GAR1: variants seen among roughly 807,000 people sequenced by gnomAD.
GAR1 encodes the protein H/ACA ribonucleoprotein complex subunit 1.
Under a neutral mutation model 29.3 loss-of-function variants are expected in GAR1, and 11 were observed. That is an observed-to-expected ratio of 0.38 (90% CI 0.24 to 0.62). The LOEUF (loss-of-function observed/expected upper bound fraction) is 0.62. GAR1 is among the 20% of genes least tolerant of loss of function. The pLI is 0.62. For synonymous variants in GAR1, 87 were observed against 93.3 expected (o/e 0.93, Z 0.39); for missense variants, 237 against 268.4 (o/e 0.88, Z 0.82).
rs1378347763 is a variant in GAR1 at position 109,816,267 on chromosome 4, G to A, written c.103G>A (p.Gly35Ser). 1 of 1,609,908 alleles carries A rather than the reference G, an allele frequency of 6.2e-7. No individual in the cohort carries two copies. Among genetic ancestry groups the A allele is most frequent in the Admixed American group, 1.7e-5 (1 of 59,696 alleles). ...SSNHFRGGGGGGGGGNFRGGG... is the reference protein window; with the variant it reads ...SSNHFRGGGGSGGGGNFRGGG... ...CAACCACTTCCGAGGTGGAGGCGGCGGTGGAGGCGGCGGCAATTTCAGAGG... is the reference window on the plus strand; with the variant it reads ...CAACCACTTCCGAGGTGGAGGCGGCAGTGGAGGCGGCGGCAATTTCAGAGG... The change falls in exon 2 of 7, where the codon GGT (glycine) becomes AGT (serine). Residue 35 changes from glycine to serine, a missense_variant. Physicochemically the swap from Gly to Ser is moderately conservative, Grantham distance 56. Coordinates refer to ENST00000226796, the MANE Select transcript of GAR1 (RefSeq NM_018983.4).
At chr4:109,817,797 C>T in intron 2 of GAR1, 139 bp from the exon 3 acceptor site, 1 of 642,660 alleles carries the variant, frequency 1.6e-6, no homozygotes, top group Non-Finnish European at 2.7e-6. Flanking sequence ...CCCAGGAAGT[C>T]CTAAGACTGT....
At chr4:109,822,553 A>G in intron 5 of GAR1, 65 bp downstream of exon 5, 2 of 1,525,980 alleles carry the variant, frequency 1.3e-6, no homozygotes, top group Non-Finnish European at 8.7e-7. Flanking sequence ...TTCATACAAT[A>G]CAATTTAGCT....
upstream of GAR1, chr4:109,815,510 C>T (rs1733321172): frequency 6.5e-6 from 1 of 152,858 alleles, no homozygotes; most frequent in South Asian, 2.1e-4. Flanking sequence ...GCAAAGGACG[C>T]CGCTGTTATA....
In GAR1 at chr4:109,824,549, A is replaced by C. The variant is rs1461056991; in HGVS notation, c.*118A>C. 1 of 791,130 alleles carries C rather than the reference A, an allele frequency of 1.3e-6. No individual in the cohort carries two copies. The highest frequency in any genetic ancestry group is 1.7e-5 in the African/African-American group (1 of 58,108). The allele number at this position is 791,130 out of a possible 1,614,324, so 49.0% of individuals were successfully genotyped here. A position where few individuals can be genotyped will look rare whatever the true frequency, so the allele number is the denominator to read the frequency against. On this transcript the variant is annotated 3_prime_UTR_variant, in exon 7 of 7. Coordinates refer to ENST00000226796, the MANE Select transcript of GAR1 (RefSeq NM_018983.4). The stretch of plus-strand genomic sequence containing the variant: ...TCTTGAAGATCTTGGTCATTTTATG[A>C]CAATGGATCTAAAATGTCAGCATCA...
chr4:109,818,901 C>T, intron 3 of GAR1, 100 bp from the exon 4 acceptor site: 4 of 667,914 alleles, frequency 6.0e-6, no homozygotes, highest in Admixed American at 2.4e-5. Flanking sequence ...TATATATATC[C>T]ATACATTCTA....
rs983938987 is a variant in GAR1 at position 109,819,213 on chromosome 4, T to A, written c.429+153T>A. On this transcript the variant is annotated intron_variant, in intron 4 of 6. Transcript: ENST00000226796. ...TCCATGCTATAAATATTGAACACAC[T>A]AATCTTTAAAAGTGATTTATTTGAT... 5 of 673,642 alleles carry A rather than the reference T, an allele frequency of 7.4e-6. No homozygotes were observed. In the Admixed American group the frequency reaches 1.3e-4, roughly 18 times the overall value. The allele number at this position is 673,642 out of a possible 1,614,324, so 41.7% of individuals were successfully genotyped here.
intron 4 of GAR1, among the ~76,000 whole-genome samples, chr4:109,821,072 T>C (rs1301527988): frequency 1.3e-5 from 2 of 152,218 alleles, no homozygotes; most frequent in Non-Finnish European, 2.9e-5. Flanking sequence ...TCTCCCGGTT[T>C]CCATACCCCC....
chr4:109,822,358 C>T lies in GAR1; in HGVS notation c.441C>T (p.Asp147=). ...SFKKLQKFYI[D]PYKLLPLQRF... ...TATTATGTTTCCAGTTTTATATAGACCCATATAAGCTGCTGCCACTGCAGA... is the reference window on the plus strand; with the variant it reads ...TATTATGTTTCCAGTTTTATATAGATCCATATAAGCTGCTGCCACTGCAGA... The change falls in exon 5 of 7, where the codon GAC becomes GAT. Residue 147 remains aspartate (D), a synonymous_variant. Transcript: ENST00000226796. The T allele has an allele frequency of 6.4e-7, 1 of 1,569,334 alleles. No individual in the cohort carries two copies. The highest frequency in any genetic ancestry group is 8.7e-7 in the Non-Finnish European group (1 of 1,151,654).
chr4:109,823,616 A>C (rs1415809281), intron 5 of GAR1, among the ~76,000 whole-genome samples: 1 of 152,188 alleles, frequency 6.6e-6, no homozygotes, highest in Non-Finnish European at 1.5e-5. Flanking sequence ...AACTATCCTT[A>C]GTTGAATCAA....
chr4:109,819,418 G>A (rs1733452238), intron 4 of GAR1: 2 of 251,398 alleles, frequency 8.0e-6, no homozygotes, highest in Admixed American at 1.1e-4. Flanking sequence ...TAGGTACTAA[G>A]TGATTTCACA....
Position 109,819,274 on chromosome 4 carries a change from C to T in GAR1, c.429+214C>T, listed in dbSNP as rs1055236351. On this transcript the variant is annotated intron_variant, in intron 4 of 6. Coordinates refer to ENST00000226796, the MANE Select transcript of GAR1 (RefSeq NM_018983.4). Reference sequence around the variant, plus strand: ...GAAAGTAAAAATTACAACTTTTGCTCATATTACCAAAATCTGTAAACTGCT... The same window carrying T: ...GAAAGTAAAAATTACAACTTTTGCTTATATTACCAAAATCTGTAAACTGCT... 1.1e-5 allele frequency: 6 copies of T among 554,808 alleles called. No individual in the cohort carries two copies. The African/African-American group carries it at 1.2e-4, about 11-fold the overall frequency. The allele number at this position is 554,808 out of a possible 1,614,324, so 34.4% of individuals were successfully genotyped here. A position where few individuals can be genotyped will look rare whatever the true frequency, so the allele number is the denominator to read the frequency against.
At chr4:109,818,954 T>C (rs929784259) in intron 3 of GAR1, 47 bp from the exon 4 acceptor site, 2 of 784,170 alleles carry the variant, frequency 2.6e-6, no homozygotes, top group African/African-American at 1.7e-5. Context: ...ACATTTGATA[T>C]CATCTTTCAT....
chr4:109,819,405 C>A, intron 4 of GAR1: 1 of 295,342 alleles, frequency 3.4e-6, no homozygotes. Context: ...ATTTGAGAGG[C>A]GGTAGGTACT....
At chr4:109,815,560 C>G (rs1398932462), upstream of GAR1, 2 of 154,264 alleles carry the variant, frequency 1.3e-5, no homozygotes, top group African/African-American at 4.8e-5. Flanking sequence ...GTTGGCCTCT[C>G]TGTTGTAAAT....
chr4:109,816,479 A>T, intron 2 of GAR1, 101 bp downstream of exon 2: 1 of 1,115,322 alleles, frequency 9.0e-7, no homozygotes, highest in Admixed American at 1.8e-5. Context: ...CTGTGTGGAG[A>T]ATGTAGCATG....
intron 4 of GAR1, among the ~76,000 whole-genome samples, chr4:109,819,944 G>A (rs1229967378): frequency 1.3e-5 from 2 of 152,178 alleles, no homozygotes; most frequent in African/African-American, 2.4e-5. Context: ...TAAGCCTTCA[G>A]GTGACAGGAA....
intron 4 of GAR1, 47 bp from the exon 5 acceptor site, chr4:109,822,300 A>T: frequency 1.7e-6 from 2 of 1,160,800 alleles, no homozygotes; most frequent in Non-Finnish European, 2.5e-6. Context: ...TGATTATATT[A>T]TACTGTCCCC....
chr4:109,822,481 C>T lies in GAR1; in HGVS notation c.564C>T (p.Gly188=). ...GAGGAGGAGGTGGCAGAGGTGGTGGCAGAGGCGGTAAGTTACTTGGGGAAA... is the reference window on the plus strand; with the variant it reads ...GAGGAGGAGGTGGCAGAGGTGGTGGTAGAGGCGGTAAGTTACTTGGGGAAA... ...GGRGGGGRGG[G]RGGGFRGGRG... is the part of the protein sequence containing the mutation. The change falls in exon 5 of 7, where the codon GGC becomes GGT. Residue 188 remains glycine (G), a synonymous_variant. Transcript: ENST00000226796. The T allele has an allele frequency of 1.3e-6, 2 of 1,599,712 alleles. No homozygotes were observed. The highest frequency in any genetic ancestry group is 1.7e-6 in the Non-Finnish European group (2 of 1,174,326).
intron 4 of GAR1, among the ~76,000 whole-genome samples, chr4:109,821,451 T>G (rs1733509642): frequency 6.6e-6 from 1 of 152,224 alleles, no homozygotes; most frequent in Non-Finnish European, 1.5e-5. Context: ...TCGTGTGTTT[T>G]ATGTAGAAGA....
Sources: allele counts gnomAD v4.1 joint callset (sites outside exome capture counted in the v4.1 genomes callset), GRCh38; gene constraint gnomAD v4.1.1; transcripts MANE v1.5; gene names NCBI Gene and HGNC (gene_info 2026-07-23, HGNC 2026-07-21).